Variants in PTER observed in about 807,000 individuals in gnomAD.
The protein encoded by PTER is N-acetyltaurine hydrolase.
A neutral mutation model predicts 29.6 loss-of-function variants in PTER; 38 were observed. That is an observed-to-expected ratio of 1.28 (90% confidence interval 0.99 to 1.68). The LOEUF (loss-of-function observed/expected upper bound fraction) is 1.68. Among genes scored for constraint, PTER ranks in the 40% most tolerant of loss-of-function variants. The pLI is 0.00. For synonymous variants in PTER, 172 were observed against 154.5 expected (o/e 1.11, Z -0.84); for missense variants, 482 against 427.8 (o/e 1.13, Z -1.12).
chr10:16,464,671 A>G (rs1247653964), intron 1 of PTER, among the ~76,000 whole-genome samples: 1 of 152,090 alleles, frequency 6.6e-6, no homozygotes, highest in Non-Finnish European at 1.5e-5. Context: ...CATGCTCCTC[A>G]TTGCTCATAT....
chr10:16,438,294 G>A (rs928307774), intron 1 of PTER, among the ~76,000 whole-genome samples: 1 of 151,142 alleles, frequency 6.6e-6, no homozygotes, highest in African/African-American at 2.4e-5. Context: ...GTAAGCCACC[G>A]CGCCCGGCCT....
rs116801712 is a variant in PTER, at chr10:16,446,212, C to T, written c.-49+9165C>T. Among the ~76,000 whole-genome samples, 407 of 146,070 alleles carry T rather than the reference C, an allele frequency of 2.8e-3. 5 individuals are homozygous for T. Among genetic ancestry groups the T allele is most frequent in the African/African-American group, 9.9e-3 (384 of 38,824 alleles). On this transcript the variant is annotated intron_variant, in intron 1 of 4. Coordinates refer to ENST00000535784, the MANE Select transcript of PTER (RefSeq NM_001261836.2). ...TAGAGGTGCAATGCACGCCACCCCACCCCCAACATTTTTTTTTTTTTTTGA... is the reference window on the plus strand; with the variant it reads ...TAGAGGTGCAATGCACGCCACCCCATCCCCAACATTTTTTTTTTTTTTTGA...
At chr10:16,479,986 T>C (rs1025190647) in intron 1 of PTER, among the ~76,000 whole-genome samples, 1 of 148,474 alleles carries the variant, frequency 6.7e-6, no homozygotes, top group African/African-American at 2.5e-5. Flanking sequence ...TTACCATCAC[T>C]TCATTTTACT....
At chr10:16,459,134 A>C (rs1249264535) in intron 1 of PTER, among the ~76,000 whole-genome samples, 6 of 152,160 alleles carry the variant, frequency 3.9e-5, no homozygotes, top group Admixed American at 3.9e-4. Flanking sequence ...TTCTTCAAAA[A>C]TTTGCATTCT....
At chr10:16,461,105 A>G (rs199612035) in intron 1 of PTER, among the ~76,000 whole-genome samples, 2 of 152,302 alleles carry the variant, frequency 1.3e-5, no homozygotes, top group East Asian at 3.9e-4. Flanking sequence ...GCATAATTAT[A>G]TAAGTATATA....
At chr10:16,437,799 T>C (rs529112928) in intron 1 of PTER, among the ~76,000 whole-genome samples, 1 of 152,304 alleles carries the variant, frequency 6.6e-6, no homozygotes, top group South Asian at 2.1e-4. Context: ...AAACAAAGTT[T>C]AGAGGTGGAG....
downstream of PTER, among the ~76,000 whole-genome samples, chr10:16,516,686 T>A (rs1251622643): frequency 6.6e-6 from 1 of 152,198 alleles, no homozygotes; most frequent in African/African-American, 2.4e-5. Context: ...ATAATCCTTT[T>A]AAAAATATAA....
chr10:16,449,565 T>C (rs2133370702), intron 1 of PTER, among the ~76,000 whole-genome samples: 1 of 151,314 alleles, frequency 6.6e-6, no homozygotes, highest in South Asian at 2.1e-4. Context: ...ATGCCCACCT[T>C]GTCTTTGATG....
rs1835600279 is a variant in PTER at position 16,484,412 on chromosome 10, A to T, written c.28A>T (p.Thr10Ser). 3 of 1,596,186 alleles carry T rather than the reference A, an allele frequency of 1.9e-6. No homozygotes were observed. Among genetic ancestry groups the T allele is most frequent in the South Asian group, 2.3e-5 (2 of 87,280 alleles). Residue 10 changes from threonine (T) to serine (S), a missense_variant, in exon 2 of 5, where the codon ACC becomes TCC. Transcript: ENST00000535784. The part of the protein sequence containing the change: MSSLSGKVQ[T>S]VLGLVEPSKL... ...GTCTTCCTTAAGTGGAAAAGTCCAA[A>T]CCGTTTTGGGCCTTGTAGAGCCAAG...
chr10:16,494,919 A>G, intron 3 of PTER, among the ~76,000 whole-genome samples: 1 of 152,044 alleles, frequency 6.6e-6, no homozygotes, highest in East Asian at 1.9e-4. Context: ...TTAATATCAA[A>G]TTAGAGTATA....
intron 3 of PTER, among the ~76,000 whole-genome samples, chr10:16,491,953 C>A (rs997944943): frequency 1.3e-5 from 2 of 152,084 alleles, no homozygotes; most frequent in Admixed American, 1.3e-4. Context: ...CACACACACA[C>A]ACATACACTC....
In PTER at chr10:16,501,590, T is replaced by C. The variant is rs543423168; in HGVS notation, c.699-3430T>C. Among the ~76,000 whole-genome samples, 4 of 152,342 alleles carry C rather than the reference T, an allele frequency of 2.6e-5. No homozygotes were observed. In the South Asian group the frequency reaches 6.2e-4, roughly 24 times the overall value. ...GATTTTCACTTTCTTCCCCCCATACTACCCTTTGATGGTAAATTCTCCATT... is the reference window on the plus strand; with the variant it reads ...GATTTTCACTTTCTTCCCCCCATACCACCCTTTGATGGTAAATTCTCCATT... On this transcript the variant is annotated intron_variant, in intron 3 of 4. Transcript: ENST00000535784.
downstream of PTER, among the ~76,000 whole-genome samples, chr10:16,514,876 G>A (rs1022691571): frequency 5.9e-5 from 9 of 152,096 alleles, no homozygotes; most frequent in South Asian, 4.1e-4. Context: ...GGCAGTTTCC[G>A]CTACGTTAGT....
Position 16,511,215 on chromosome 10 carries a change from A to G in PTER, c.1009A>G (p.Ile337Val). Residue 337 changes from isoleucine to valine, a missense_variant, in exon 5 of 5, where the codon ATT (isoleucine) becomes GTT (valine). Physicochemically the swap from Ile to Val is conservative, Grantham distance 29. Transcript: ENST00000535784. Reference protein sequence around the residue: ...RGITENVLDKILIENPKQWLT... With the variant: ...RGITENVLDKVLIENPKQWLT... ...CATAACTGAGAATGTGCTTGATAAG[A>G]TTCTAATAGAGAACCCTAAGCAATG... 6.2e-7 allele frequency: 1 copy of G among 1,614,130 alleles called. No homozygotes were observed. The highest frequency in any genetic ancestry group is 8.5e-7 in the Non-Finnish European group (1 of 1,179,970).
rs1335732430 is a variant in PTER at position 16,504,097 on chromosome 10, CT to C, written c.699-914del. 7.3e-5 allele frequency among the ~76,000 whole-genome samples: 11 copies of C among 151,478 alleles called. No homozygotes were observed. The East Asian group carries it at 7.8e-4, about 11-fold the overall frequency. On this transcript the variant is annotated intron_variant, in intron 3 of 4. Coordinates refer to ENST00000535784, the MANE Select transcript of PTER (RefSeq NM_001261836.2). ...TCTAATGGGGTATATTTTTCCTTCA[CT>C]TTTTTTTTCCCATATTGTTTTCTGC...
chr10:16,471,247 G>T (rs1034310877), intron 1 of PTER, among the ~76,000 whole-genome samples: 2 of 152,176 alleles, frequency 1.3e-5, no homozygotes, highest in Non-Finnish European at 2.9e-5. Context: ...TGATAATAAA[G>T]AATTTGAAAT....
rs1183167783 is a variant in PTER, at chr10:16,505,175, G to T, written c.839+15G>T. The T allele has an allele frequency of 6.2e-7, 1 of 1,612,744 alleles. No homozygotes were observed. The highest frequency in any genetic ancestry group is 1.3e-5 in the African/African-American group (1 of 75,026). ...AGAATTAGAAGGTAAATATGGTAAA[G>T]CCTCTCATAGCATTCCCTTTCCCTA... On this transcript the variant is annotated intron_variant, in intron 4 of 4. Transcript: ENST00000535784.
intron 4 of PTER, among the ~76,000 whole-genome samples, chr10:16,505,731 A>G (rs1195557020): frequency 6.6e-6 from 1 of 152,240 alleles, no homozygotes; most frequent in African/African-American, 2.4e-5. Context: ...TTAGGCGTCA[A>G]TGATAGCTAC....
chr10:16,511,167 G>C lies in PTER; in HGVS notation c.961G>C (p.Val321Leu). ...CTATTCTCATATACTCACCAATGTT[G>C]TTCCTAAAATGTTGCTGAGAGGCAT... ...HGYSHILTNV[V>L]PKMLLRGITE... The change falls in exon 5 of 5, where the codon GTT becomes CTT. Residue 321 changes from valine (V) to leucine (L), a missense_variant. By Grantham distance (32) the Val-to-Leu change is conservative. Transcript: ENST00000535784. The C allele has an allele frequency of 6.2e-7, 1 of 1,614,138 alleles. No individual in the cohort carries two copies. Among genetic ancestry groups the C allele is most frequent in the Non-Finnish European group, 8.5e-7 (1 of 1,180,002 alleles).
Sources: allele counts gnomAD v4.1 joint callset (sites outside exome capture counted in the v4.1 genomes callset), GRCh38; gene constraint gnomAD v4.1.1; transcripts MANE v1.5; gene names NCBI Gene and HGNC (gene_info 2026-07-23, HGNC 2026-07-21).